SPTAN1: variants seen among roughly 807,000 people sequenced by gnomAD.
SPTAN1 encodes the protein spectrin alpha, non-erythrocytic 1.
A neutral mutation model predicts 331.3 loss-of-function variants in SPTAN1; 61 were observed. The observed-to-expected ratio is 0.18, with a 90% CI of 0.15 to 0.23. The LOEUF is 0.23. Ranked by LOEUF, SPTAN1 falls within the 10% of genes least tolerant of loss-of-function variation. The pLI is 1.00. For synonymous variants in SPTAN1, 1,153 were observed against 1,173.9 expected (o/e 0.98, Z 0.36); for missense variants, 2,043 against 3,147.9 (o/e 0.65, Z 8.40).
Position 128,600,133 on chromosome 9 carries a change from AATT to A in SPTAN1, c.3579+22_3579+24del. The A allele has an allele frequency of 1.2e-6, 2 of 1,613,740 alleles. No individual in the cohort carries two copies. The highest frequency in any genetic ancestry group is 1.7e-6 in the Non-Finnish European group (2 of 1,179,674). ...CGTGGAAGGTAAGAACTCCTTTGCAAATTATTGTTTTCAAGAGTTTTGCGAGAT... is the reference window on the plus strand; with the variant it reads ...CGTGGAAGGTAAGAACTCCTTTGCAAATTGTTTTCAAGAGTTTTGCGAGAT... On this transcript the variant is annotated intron_variant, in intron 27 of 56. Coordinates refer to ENST00000372739, the MANE Select transcript of SPTAN1 (RefSeq NM_001130438.3).
intron 24 of SPTAN1, among the ~76,000 whole-genome samples, chr9:128,595,687 T>A (rs996059070): frequency 2.0e-5 from 3 of 152,140 alleles, no homozygotes; most frequent in African/African-American, 7.2e-5. Flanking sequence ...AAACCACATA[T>A]CCGTCAAGCA....
At chr9:128,562,753 A>T (rs1460409892) in intron 1 of SPTAN1, among the ~76,000 whole-genome samples, 7 of 151,926 alleles carry the variant, frequency 4.6e-5, no homozygotes, top group Non-Finnish European at 1.5e-5. Flanking sequence ...TCACGAGGTC[A>T]GGAGATCGAG....
Position 128,629,011 on chromosome 9 carries a change from A to AC in SPTAN1, c.6707+1071dup, listed in dbSNP as rs1859238176. ...TGCTGCCTCCAGGTACCCGCCGGGC[A>AC]CCAGGTTGCCCTTGCCTGCGCCCTG... On this transcript the variant is annotated intron_variant, in intron 51 of 56. Coordinates refer to ENST00000372739, the MANE Select transcript of SPTAN1 (RefSeq NM_001130438.3). This position sits in a 1 kb window ranked among gnomAD's most constrained non-coding sequence, Gnocchi z 4.9. The AC allele has an allele frequency of 2.5e-6, 1 of 395,380 alleles. No homozygotes were observed. The highest frequency in any genetic ancestry group is 4.5e-6 in the Non-Finnish European group (1 of 224,446). 24.5% of individuals were successfully genotyped at this position (395,380 alleles called of 1,614,324 possible). A position where few individuals can be genotyped will look rare whatever the true frequency, so the allele number is the denominator to read the frequency against.
Position 128,624,317 on chromosome 9 carries a change from C to G in SPTAN1, c.5833-11C>G. The G allele has an allele frequency of 1.2e-6, 2 of 1,613,716 alleles. No individual in the cohort carries two copies. The highest frequency in any genetic ancestry group is 2.2e-5 in the South Asian group (2 of 91,050). On this transcript the variant is annotated splice_polypyrimidine_tract_variant and intron_variant, in intron 45 of 56. Transcript: ENST00000372739. Reference sequence around the variant, plus strand: ...AAGGCTGACCAGTGTGTGCCTCTCTCCATGGCCTAGAACAATCACCATGAG... The same window carrying G: ...AAGGCTGACCAGTGTGTGCCTCTCTGCATGGCCTAGAACAATCACCATGAG...
chr9:128,631,994 A>G lies in SPTAN1; in HGVS notation c.6763-133A>G, dbSNP rs1361090193. On this transcript the variant is annotated intron_variant, in intron 52 of 56. Coordinates refer to ENST00000372739, the MANE Select transcript of SPTAN1 (RefSeq NM_001130438.3). ...AGCTTCACCCCATCCCACTATTCCT[A>G]TTCTAGAATGTTCTTGTTTTACGAG... The G allele has an allele frequency of 4.3e-5, 36 of 836,750 alleles. 1 individual carries two copies. The highest frequency in any genetic ancestry group is 3.5e-4 in the South Asian group (23 of 65,166). The allele number at this position is 836,750 out of a possible 1,614,324, so 51.8% of individuals were successfully genotyped here.
chr9:128,581,878 G>A lies in SPTAN1; in HGVS notation c.1558G>A (p.Glu520Lys). 1.2e-6 allele frequency: 2 copies of A among 1,612,944 alleles called. No individual in the cohort carries two copies. Among genetic ancestry groups the A allele is most frequent in the Non-Finnish European group, 1.7e-6 (2 of 1,179,010 alleles). ...EDFEKSLSAQ[E>K]EKITALDEFA... ...CTTTGAGAAATCCCTTAGTGCCCAG[G>A]AGGAAAAGATTACAGTAAGACCCCT... The change falls in exon 12 of 57, where the codon GAG becomes AAG. Residue 520 changes from glutamate to lysine, a missense_variant. Glu to Lys is a moderately conservative substitution (Grantham distance 56). Around this residue, in one of 12 missense-constraint regions of SPTAN1, gnomAD observed 1,038 missense variants for 1,531.5 expected, o/e 0.68. Coordinates refer to ENST00000372739, the MANE Select transcript of SPTAN1 (RefSeq NM_001130438.3).
chr9:128,607,150 C>T (rs1856001102), intron 31 of SPTAN1, among the ~76,000 whole-genome samples: 1 of 152,094 alleles, frequency 6.6e-6, no homozygotes, highest in South Asian at 2.1e-4. Flanking sequence ...AGGGTTAATC[C>T]TAAAGAAAGG....
intron 45 of SPTAN1, 39 bp from the exon 46 acceptor site, chr9:128,624,289 G>A (rs1358469615): frequency 1.9e-6 from 3 of 1,612,882 alleles, no homozygotes; most frequent in Non-Finnish European, 2.5e-6. Flanking sequence ...AACCACAGCA[G>A]GTAAGGCTGA....
At chr9:128,572,677 A>G (rs1204758298) in intron 3 of SPTAN1, among the ~76,000 whole-genome samples, 3 of 152,186 alleles carry the variant, frequency 2.0e-5, no homozygotes, top group South Asian at 4.1e-4. Context: ...TTAGTTTGGC[A>G]GAAAGTGGTA....
chr9:128,608,488 A>T (rs1292177726), intron 34 of SPTAN1, among the ~76,000 whole-genome samples: 3 of 152,228 alleles, frequency 2.0e-5, no homozygotes, highest in Non-Finnish European at 4.4e-5. Flanking sequence ...TATCAAAGGG[A>T]TGGAAAACAA....
At chr9:128,606,500 G>C (rs370432744) in intron 31 of SPTAN1, among the ~76,000 whole-genome samples, 1 of 144,648 alleles carries the variant, frequency 6.9e-6, no homozygotes, top group East Asian at 2.0e-4. Context: ...TTTTTTTTGG[G>C]GGGGGAAGCG....
At chr9:128,606,556 T>G (rs1855914490) in intron 31 of SPTAN1, among the ~76,000 whole-genome samples, 1 of 149,338 alleles carries the variant, frequency 6.7e-6, no homozygotes, top group South Asian at 2.2e-4. Flanking sequence ...CGATCTCAGC[T>G]CACCGCAACC....
At chr9:128,573,277 T>C (rs953627616) in intron 3 of SPTAN1, among the ~76,000 whole-genome samples, 25 of 152,200 alleles carry the variant, frequency 1.6e-4, no homozygotes, top group Admixed American at 7.2e-4. Flanking sequence ...GCCTGTGTTA[T>C]GAGAACCCAA....
chr9:128,585,687 T>C lies in SPTAN1; in HGVS notation c.2561-61T>C, dbSNP rs1180051574. ...GTGAACACACAGAGAAAACTTATTT[T>C]TGTCCTTCTGTGATGTGTCAACGTA... is the stretch of plus-strand genomic sequence containing the variant. On this transcript the variant is annotated intron_variant, in intron 18 of 56. Coordinates refer to ENST00000372739, the MANE Select transcript of SPTAN1 (RefSeq NM_001130438.3). 11 of 1,392,040 alleles carry C rather than the reference T, an allele frequency of 7.9e-6. No individual in the cohort carries two copies. The East Asian group carries it at 2.3e-4, about 29-fold the overall frequency. 86.2% of individuals were successfully genotyped at this position (1,392,040 alleles called of 1,614,324 possible).
At position 128,633,193 on chromosome 9, in the gene SPTAN1, A is replaced by G. The variant is rs780519517; in HGVS notation, c.7309-16A>G. On this transcript the variant is annotated splice_polypyrimidine_tract_variant and intron_variant, in intron 56 of 56. Transcript: ENST00000372739. Reference sequence around the variant, plus strand: ...GCAGCTGGCTCAGGCACCAGGTGCCATCTCTTACCCCACAGAACCTGACCC... The same window carrying G: ...GCAGCTGGCTCAGGCACCAGGTGCCGTCTCTTACCCCACAGAACCTGACCC... 1.9e-6 allele frequency: 3 copies of G among 1,613,900 alleles called. No individual in the cohort carries two copies. Among genetic ancestry groups the G allele is most frequent in the East Asian group, 2.2e-5 (1 of 44,856 alleles).
chr9:128,555,620 CTTTTTTT>C (rs751209866), intron 1 of SPTAN1, among the ~76,000 whole-genome samples: 1 of 49,442 alleles, frequency 2.0e-5, no homozygotes, highest in African/African-American at 4.4e-5. Flanking sequence ...TTTGCAAAGC[CTTTTTTT>C]TTTTTTTTTT....
chr9:128,584,516 A>G lies in SPTAN1; in HGVS notation c.2428A>G (p.Thr810Ala), dbSNP rs1447170470. Residue 810 changes from threonine (T) to alanine (A), a missense_variant, in exon 17 of 57, where the codon ACC (threonine) becomes GCC (alanine). Physicochemically the swap from Thr to Ala is moderately conservative, Grantham distance 58. This residue lies in a region of SPTAN1 where 1,038 missense variants were observed against 1,531.5 expected (regional missense o/e 0.68). Coordinates refer to ENST00000372739, the MANE Select transcript of SPTAN1 (RefSeq NM_001130438.3). Reference protein sequence around the residue: ...IREKEPIAASTNRGKDLIGVQ... With the variant: ...IREKEPIAASANRGKDLIGVQ... ...AGAGAAAGAGCCCATTGCCGCATCT[A>G]CCAACAGAGGTCAGTCTGCTTCCCT... The G allele has an allele frequency of 6.2e-7, 1 of 1,614,036 alleles. No individual in the cohort carries two copies. The highest frequency in any genetic ancestry group is 1.3e-5 in the African/African-American group (1 of 74,930).
At chr9:128,559,430 G>T (rs1849028157) in intron 1 of SPTAN1, among the ~76,000 whole-genome samples, 1 of 152,168 alleles carries the variant, frequency 6.6e-6, no homozygotes, top group Non-Finnish European at 1.5e-5. Flanking sequence ...TTCTGTAGCA[G>T]GTAAAGGATT....
Position 128,587,131 on chromosome 9 carries a change from G to C in SPTAN1, c.2779-475G>C, listed in dbSNP as rs538095966. On this transcript the variant is annotated intron_variant, in intron 19 of 56. Transcript: ENST00000372739. ...GCACCGCGCTCGTTCTGTCGCTAGGGCTGGAGTACAGTGATGCAATCACGA... is the reference window on the plus strand; with the variant it reads ...GCACCGCGCTCGTTCTGTCGCTAGGCCTGGAGTACAGTGATGCAATCACGA... Among the ~76,000 whole-genome samples, 9 of 151,738 alleles carry C rather than the reference G, an allele frequency of 5.9e-5. No homozygotes were observed. In the South Asian group the frequency reaches 1.9e-3, roughly 32 times the overall value.
Sources: gnomAD v4.1 joint callset for allele counts (sites outside exome capture counted in the v4.1 genomes callset) on GRCh38, gnomAD v4.1.1 for gene constraint, gnomAD v4.1.1 regional missense constraint, Gnocchi (gnomAD v3.1) non-coding constraint, MANE v1.5 for transcripts, NCBI Gene and HGNC (gene_info 2026-07-23, HGNC 2026-07-21) for gene names.